Variants in CLMP observed in about 807,000 individuals in gnomAD.
CLMP encodes CXADR-like membrane protein.
In CLMP, 27 loss-of-function variants were observed where a neutral mutation model predicts 45.2. The observed-to-expected ratio is 0.60, with a 90% CI of 0.44 to 0.82. The LOEUF is 0.82. Ranked by LOEUF, CLMP falls within the 40% of genes least tolerant of loss-of-function variation. The pLI, the probability that CLMP is intolerant of heterozygous loss-of-function variation, is 0.00. For missense variants in CLMP, 403 were observed against 448.4 expected (o/e 0.90, Z 0.91); for synonymous variants, 167 against 171.4 (o/e 0.97, Z 0.20).
chr11:123,190,001 C>CAAA (rs10594946), intron 1 of CLMP, among the ~76,000 whole-genome samples: 14 of 129,488 alleles, frequency 1.1e-4, no homozygotes, highest in Admixed American at 1.5e-4. Context: ...GACTCTGTCT[C>CAAA]AAAAAAAAAA....
chr11:123,127,756 G>T (rs1860918223), intron 1 of CLMP, among the ~76,000 whole-genome samples: 1 of 152,172 alleles, frequency 6.6e-6, no homozygotes, highest in African/African-American at 2.4e-5. Flanking sequence ...GAGTAACGTG[G>T]CCGGGCACGG....
chr11:123,143,302 C>T (rs147505578), intron 1 of CLMP, among the ~76,000 whole-genome samples: 213 of 152,296 alleles, frequency 1.4e-3, no homozygotes, highest in African/African-American at 4.3e-3. Flanking sequence ...TCATTGTCCC[C>T]GACCCTCACT....
intron 1 of CLMP, among the ~76,000 whole-genome samples, chr11:123,177,949 G>A (rs11219049): frequency 0.1 from 15,776 of 152,058 alleles, 2,424 homozygotes; most frequent in African/African-American, 0.34. Flanking sequence ...TGCAACCTCC[G>A]CCTCCCGGGT....
intron 1 of CLMP, among the ~76,000 whole-genome samples, chr11:123,129,693 AAAT>A (rs1197354111): frequency 1.4e-5 from 2 of 141,156 alleles, no homozygotes; most frequent in Admixed American, 7.6e-5. Flanking sequence ...TATTTATATA[AAAT>A]AATATTATAT....
At chr11:123,157,740 A>AT (rs1040934242) in intron 1 of CLMP, among the ~76,000 whole-genome samples, 3 of 151,754 alleles carry the variant, frequency 2.0e-5, no homozygotes, top group Non-Finnish European at 2.9e-5. Flanking sequence ...AAAAAAAAAA[A>AT]AAAAAAGAAG....
intron 1 of CLMP, among the ~76,000 whole-genome samples, chr11:123,155,894 G>A (rs1041679105): frequency 7.2e-5 from 11 of 152,154 alleles, no homozygotes; most frequent in African/African-American, 2.2e-4. Context: ...GAATGACAAA[G>A]CAGCCCAAGG....
chr11:123,107,521 G>A (rs1309648692), intron 1 of CLMP, among the ~76,000 whole-genome samples: 5 of 136,272 alleles, frequency 3.7e-5, no homozygotes, highest in Non-Finnish European at 8.0e-5. Flanking sequence ...GCGAGCCACC[G>A]CACCTGACCT....
chr11:123,096,842 G>C (rs1163991044), intron 2 of CLMP, among the ~76,000 whole-genome samples: 1 of 151,982 alleles, frequency 6.6e-6, no homozygotes, highest in Non-Finnish European at 1.5e-5. Flanking sequence ...ACAGTGTCTG[G>C]GTCTGTTGCC....
intron 2 of CLMP, among the ~76,000 whole-genome samples, chr11:123,088,379 G>C (rs1323326200): frequency 1.3e-5 from 2 of 152,156 alleles, no homozygotes; most frequent in African/African-American, 4.8e-5. Context: ...AGATAAGGCA[G>C]GTAAGCTTGG....
intron 1 of CLMP, among the ~76,000 whole-genome samples, chr11:123,150,917 A>C (rs546418504): frequency 1.3e-5 from 2 of 152,090 alleles, no homozygotes; most frequent in Non-Finnish European, 2.9e-5. Context: ...TGTCCAGGCT[A>C]GTCTTGAACT....
chr11:123,171,544 A>G (rs994444000), intron 1 of CLMP, among the ~76,000 whole-genome samples: 1 of 150,972 alleles, frequency 6.6e-6, no homozygotes, highest in Admixed American at 6.7e-5. Context: ...CTTGGGTTCA[A>G]GCAATTCCCT....
At chr11:123,075,512 G>A (rs1373536742) in intron 5 of CLMP, among the ~76,000 whole-genome samples, 1 of 151,694 alleles carries the variant, frequency 6.6e-6, no homozygotes, top group Non-Finnish European at 1.5e-5. Context: ...TCAGCCTCCC[G>A]AGTAGCTGGG....
Position 123,083,868 on chromosome 11 carries a change from C to A in CLMP, c.389-21G>T, listed in dbSNP as rs918421990. ...TCTCACTGGCAACAGCAACAACAAG[C>A]AAAAGTGTAGTGATTCAAAGATCCC... On this transcript the variant is annotated intron_variant, in intron 3 of 6. Coordinates refer to ENST00000448775, the MANE Select transcript of CLMP (RefSeq NM_024769.5). 3.7e-6 allele frequency: 6 copies of A among 1,611,244 alleles called. No homozygotes were observed. In the African/African-American group the frequency reaches 6.7e-5, roughly 18 times the overall value.
At chr11:123,177,161 A>T (rs1367419094) in intron 1 of CLMP, among the ~76,000 whole-genome samples, 2 of 152,228 alleles carry the variant, frequency 1.3e-5, no homozygotes, top group African/African-American at 4.8e-5. Flanking sequence ...GATGGTACTT[A>T]GGCCATTTAG....
intron 1 of CLMP, among the ~76,000 whole-genome samples, chr11:123,145,990 A>G (rs771157746): frequency 1.3e-5 from 2 of 152,192 alleles, no homozygotes; most frequent in Admixed American, 1.3e-4. Context: ...GATAGCTCCC[A>G]GCTGCTCATT....
intron 5 of CLMP, among the ~76,000 whole-genome samples, chr11:123,079,911 G>A (rs571517658): frequency 8.7e-4 from 133 of 152,190 alleles, no homozygotes; most frequent in Non-Finnish European, 1.4e-3. Flanking sequence ...ATTAGTCTGC[G>A]ACTTCGTAGC....
At chr11:123,136,152 C>T (rs918327183) in intron 1 of CLMP, 6 of 627,960 alleles carry the variant, frequency 9.6e-6, no homozygotes, top group Non-Finnish European at 1.9e-5. Context: ...TCACCACCTA[C>T]TGCAGTTGCT....
intron 1 of CLMP, among the ~76,000 whole-genome samples, chr11:123,165,093 C>T (rs764862514): frequency 1.3e-5 from 2 of 152,206 alleles, no homozygotes; most frequent in East Asian, 1.9e-4. Context: ...AAAATAGACA[C>T]CTCTTCAGAC....
rs150418340 is a variant in CLMP at position 123,087,324 on chromosome 11, C to T, written c.187-2611G>A. 6.9e-4 allele frequency among the ~76,000 whole-genome samples: 103 copies of T among 150,294 alleles called. 1 individual carries two copies. Among genetic ancestry groups the T allele is most frequent in the African/African-American group, 2.5e-3 (101 of 40,780 alleles). ...TGCACTGCAGTCTGAGCAACAAGAGCGAAACTCCGTCTCAAAAAAAAAAAG... is the reference window on the plus strand; with the variant it reads ...TGCACTGCAGTCTGAGCAACAAGAGTGAAACTCCGTCTCAAAAAAAAAAAG... On this transcript the variant is annotated intron_variant, in intron 2 of 6. Transcript: ENST00000448775.
Sources: gnomAD v4.1 joint callset for allele counts (sites outside exome capture counted in the v4.1 genomes callset) on GRCh38, gnomAD v4.1.1 for gene constraint, MANE v1.5 for transcripts, NCBI Gene and HGNC (gene_info 2026-07-23, HGNC 2026-07-21) for gene names.